Variants in TRPM8 observed in about 807,000 individuals in gnomAD.
TRPM8 encodes transient receptor potential cation channel subfamily M member 8.
TRPM8 carries 110 observed loss-of-function variants against 133.7 expected under a neutral mutation model. The ratio of observed to expected loss-of-function variants is 0.82; its 90% confidence interval spans 0.70 to 0.96. The LOEUF (loss-of-function observed/expected upper bound fraction) is 0.96. Ranked by LOEUF, TRPM8 falls within the 40% of genes least tolerant of loss-of-function variation. The pLI, the probability that TRPM8 is intolerant of heterozygous loss-of-function variation, is 0.00. For synonymous variants in TRPM8, 535 were observed against 532.3 expected (o/e 1.01, Z -0.07); for missense variants, 1,291 against 1,379.5 (o/e 0.94, Z 1.02).
Position 233,985,820 on chromosome 2 carries a change from T to C in TRPM8, c.2894T>C (p.Leu965Ser). The C allele has an allele frequency of 1.2e-6, 2 of 1,614,210 alleles. No individual in the cohort carries two copies. Among genetic ancestry groups the C allele is most frequent in the Non-Finnish European group, 1.7e-6 (2 of 1,180,032 alleles). Residue 965 changes from leucine to serine, a missense_variant, in exon 21 of 26, where the codon TTA becomes TCA. Leu to Ser is a moderately radical substitution (Grantham distance 145, BLOSUM62 -2). Around this residue, in one of 2 missense-constraint regions of TRPM8, gnomAD observed 328 missense variants for 410.6 expected, o/e 0.80. Coordinates refer to ENST00000324695, the MANE Select transcript of TRPM8 (RefSeq NM_024080.5). Reference sequence around the variant, plus strand: ...ATCCCCCTGGTGTGCATCTACATGTTATCCACCAACATCCTGCTGGTCAAC... The same window carrying C: ...ATCCCCCTGGTGTGCATCTACATGTCATCCACCAACATCCTGCTGGTCAAC... ...ITIPLVCIYM[L>S]STNILLVNLL...
rs185555196 is a variant in TRPM8 at position 233,958,065 on chromosome 2, C to T, written c.1363-2711C>T. On this transcript the variant is annotated intron_variant, in intron 11 of 25. Coordinates refer to ENST00000324695, the MANE Select transcript of TRPM8 (RefSeq NM_024080.5). Reference sequence around the variant, plus strand: ...ATATTTCTGTGACCTTTTACAGTGCCCAAGCAGTTTCTCTGTGTGTGTTTA... The same window carrying T: ...ATATTTCTGTGACCTTTTACAGTGCTCAAGCAGTTTCTCTGTGTGTGTTTA... Among the ~76,000 whole-genome samples the T allele has an allele frequency of 1.6e-3, 242 of 152,184 alleles. 1 individual carries two copies. The highest frequency in any genetic ancestry group is 1.1e-3 in the Non-Finnish European group (74 of 68,012).
At chr2:233,932,027 C>T (rs1421243222) in intron 3 of TRPM8, among the ~76,000 whole-genome samples, 3 of 152,328 alleles carry the variant, frequency 2.0e-5, no homozygotes, top group African/African-American at 4.8e-5. Flanking sequence ...TTCTCTATAC[C>T]GTCAGTTGCC....
chr2:233,980,120 T>G, intron 17 of TRPM8, 68 bp from the exon 18 acceptor site: 1 of 1,096,576 alleles, frequency 9.1e-7, no homozygotes, highest in Non-Finnish European at 1.3e-6. Flanking sequence ...GAGTGGACAT[T>G]TAAAAATCTG....
Position 233,945,885 on chromosome 2 carries a change from T to C in TRPM8, c.729T>C (p.Asp243=). Residue 243 remains aspartate (D), a synonymous_variant, in exon 7 of 26, where the codon GAT becomes GAC. Coordinates refer to ENST00000324695, the MANE Select transcript of TRPM8 (RefSeq NM_024080.5). Reference sequence around the variant, plus strand: ...ATTTTTTAGCCCAGTACCTTATGGATGACTTCACAAGAGATCCACTGTATA... The same window carrying C: ...ATTTTTTAGCCCAGTACCTTATGGACGACTTCACAAGAGATCCACTGTATA... ...EGYFLAQYLM[D]DFTRDPLYIL... is the part of the protein sequence containing the mutation. The C allele has an allele frequency of 6.2e-7, 1 of 1,614,052 alleles. No homozygotes were observed. The highest frequency in any genetic ancestry group is 8.5e-7 in the Non-Finnish European group (1 of 1,179,924).
At chr2:233,928,244 C>G (rs1691608532) in intron 2 of TRPM8, among the ~76,000 whole-genome samples, 1 of 152,090 alleles carries the variant, frequency 6.6e-6, no homozygotes, top group African/African-American at 2.4e-5. Context: ...GCTGGGATCA[C>G]AGGCGTGACC....
At chr2:233,994,380 T>G (rs1260392112) in intron 21 of TRPM8, among the ~76,000 whole-genome samples, 2 of 152,360 alleles carry the variant, frequency 1.3e-5, no homozygotes, top group East Asian at 3.9e-4. Context: ...ATCCCAGTCC[T>G]GGCTGTTTTT....
chr2:233,932,582 T>G (rs977663628), intron 3 of TRPM8, among the ~76,000 whole-genome samples: 1 of 152,096 alleles, frequency 6.6e-6, no homozygotes, highest in East Asian at 1.9e-4. Flanking sequence ...GGGAAGTAGA[T>G]GCAGGTTAGG....
chr2:233,978,794 G>A (rs1340912238), intron 17 of TRPM8, among the ~76,000 whole-genome samples: 6 of 152,142 alleles, frequency 3.9e-5, no homozygotes, highest in Admixed American at 1.3e-4. Flanking sequence ...CACACCCCAC[G>A]GTGCTGCCCC....
At chr2:233,996,295 T>C in intron 21 of TRPM8, 31 bp from the exon 22 acceptor site, 1 of 1,608,370 alleles carries the variant, frequency 6.2e-7, no homozygotes, top group Admixed American at 1.7e-5. Flanking sequence ...TGCGCAATGC[T>C]AAGTCTTGGC....
chr2:233,937,432 T>G lies in TRPM8; in HGVS notation c.271T>G (p.Tyr91Asp). 1 of 1,614,164 alleles carries G rather than the reference T, an allele frequency of 6.2e-7. No individual in the cohort carries two copies. The highest frequency in any genetic ancestry group is 8.5e-7 in the Non-Finnish European group (1 of 1,180,030). The change falls in exon 4 of 26, where the codon TAC (tyrosine) becomes GAC (aspartate). Residue 91 changes from tyrosine (Y) to aspartate (D), a missense_variant. By Grantham distance (160) the Tyr-to-Asp change is radical. Transcript: ENST00000324695. ...GATCAACCAAAGTGAGAAATGGAACTACAAGAAACACACCAAGGAATTTCC... is the reference window on the plus strand; with the variant it reads ...GATCAACCAAAGTGAGAAATGGAACGACAAGAAACACACCAAGGAATTTCC... ...TQINQSEKWN[Y>D]KKHTKEFPTD...
At chr2:233,936,242 C>G (rs1306992167) in intron 3 of TRPM8, among the ~76,000 whole-genome samples, 5 of 152,170 alleles carry the variant, frequency 3.3e-5, no homozygotes, top group Non-Finnish European at 7.4e-5. Context: ...TCTTGGGCTG[C>G]TGTGAAGCTC....
chr2:233,953,227 C>T (rs1400822820), intron 9 of TRPM8, among the ~76,000 whole-genome samples: 1 of 152,224 alleles, frequency 6.6e-6, no homozygotes, highest in East Asian at 1.9e-4. Flanking sequence ...TCGTCTCCCA[C>T]CCAGCGGAGC....
chr2:233,947,442 T>C, intron 8 of TRPM8: 1 of 1,416,962 alleles, frequency 7.1e-7, no homozygotes. Flanking sequence ...GACTTAAAGA[T>C]TGTAACCGGC....
intron 17 of TRPM8, among the ~76,000 whole-genome samples, chr2:233,974,871 G>GAGAGAGAGAGAGAGAC (rs916615640): frequency 6.8e-6 from 1 of 147,154 alleles, no homozygotes; most frequent in Non-Finnish European, 1.5e-5. Flanking sequence ...CAAATTAGCA[G>GAGAGAGAGAGAGAGAC]AGAGAGAGAG....
At chr2:233,998,945 A>C (rs1250757786) in intron 22 of TRPM8, among the ~76,000 whole-genome samples, 1 of 152,158 alleles carries the variant, frequency 6.6e-6, no homozygotes, top group Non-Finnish European at 1.5e-5. Flanking sequence ...CTGACAAGGG[A>C]TGTAGAGTTA....
Position 233,950,056 on chromosome 2 carries a change from ATCT to A in TRPM8, c.1054_1056del (p.Ser352del), listed in dbSNP as rs1264241597. 3 of 1,614,148 alleles carry A rather than the reference ATCT, an allele frequency of 1.9e-6. No individual in the cohort carries two copies. The highest frequency in any genetic ancestry group is 1.7e-5 in the Admixed American group (1 of 60,022). ...TGGTGGAGGTGGAGGATGCCCTGAC[ATCT>A]TCTGCCGTCAAGGAGAAGCTGGTGC... On this transcript the variant is annotated inframe_deletion, in exon 9 of 26. Transcript: ENST00000324695.
At chr2:233,980,048 C>G (rs1012397587) in intron 17 of TRPM8, 140 bp from the exon 18 acceptor site, 2 of 670,888 alleles carry the variant, frequency 3.0e-6, no homozygotes, top group African/African-American at 1.9e-5. Flanking sequence ...TGGTAGGGCT[C>G]ACTTGGCATA....
chr2:234,012,734 G>A (rs1035241694), intron 24 of TRPM8, among the ~76,000 whole-genome samples: 1 of 151,930 alleles, frequency 6.6e-6, no homozygotes, highest in African/African-American at 2.4e-5. Flanking sequence ...TATGATTTTA[G>A]TTGTGGGTTT....
intron 2 of TRPM8, among the ~76,000 whole-genome samples, chr2:233,928,247 G>A (rs1361659653): frequency 2.6e-5 from 4 of 151,990 alleles, no homozygotes; most frequent in Non-Finnish European, 4.4e-5. Flanking sequence ...GGGATCACAG[G>A]CGTGACCCAC....
Sources: allele counts gnomAD v4.1 joint callset (sites outside exome capture counted in the v4.1 genomes callset), GRCh38; gene constraint gnomAD v4.1.1; regional missense constraint gnomAD v4.1.1; transcripts MANE v1.5; gene names NCBI Gene and HGNC (gene_info 2026-07-23, HGNC 2026-07-21).